Variants in ARHGAP15 observed in about 807,000 individuals in gnomAD.
The protein encoded by ARHGAP15 is Rho GTPase activating protein 15, also known as rho GTPase-activating protein 15.
A neutral mutation model predicts 63.7 loss-of-function variants in ARHGAP15; 51 were observed. That is an observed-to-expected ratio of 0.80 (90% CI 0.64 to 1.01). The LOEUF (loss-of-function observed/expected upper bound fraction) is 1.01. ARHGAP15 is among the 50% of genes least tolerant of loss of function. The pLI, the probability that ARHGAP15 is intolerant of heterozygous loss-of-function variation, is 0.00. For synonymous variants in ARHGAP15, 191 were observed against 193.8 expected (o/e 0.99, Z 0.12); for missense variants, 560 against 564.6 (o/e 0.99, Z 0.08).
At chr2:143,220,464 G>A (rs1270201082) in intron 4 of ARHGAP15, among the ~76,000 whole-genome samples, 1 of 152,140 alleles carries the variant, frequency 6.6e-6, no homozygotes, top group Non-Finnish European at 1.5e-5. Flanking sequence ...ACTCACCTTG[G>A]CCTCACAACG....
At chr2:143,316,807 G>C (rs907946636) in intron 6 of ARHGAP15, among the ~76,000 whole-genome samples, 2 of 151,694 alleles carry the variant, frequency 1.3e-5, no homozygotes, top group Non-Finnish European at 2.9e-5. Context: ...TTCCAGCCTA[G>C]ATTACAATAA....
chr2:143,159,758 C>T (rs996186425), intron 2 of ARHGAP15, among the ~76,000 whole-genome samples: 1 of 151,896 alleles, frequency 6.6e-6, no homozygotes, highest in Non-Finnish European at 1.5e-5. Flanking sequence ...AATATTTTGA[C>T]TTCCTCATAA....
At chr2:143,363,604 G>A (rs1686159736) in intron 6 of ARHGAP15, among the ~76,000 whole-genome samples, 1 of 151,874 alleles carries the variant, frequency 6.6e-6, no homozygotes, top group Non-Finnish European at 1.5e-5. Flanking sequence ...TTTCCTTAAG[G>A]GCTATTTCAA....
At chr2:143,606,026 A>C (rs980785745) in intron 11 of ARHGAP15, among the ~76,000 whole-genome samples, 2 of 116,450 alleles carry the variant, frequency 1.7e-5, no homozygotes, top group Non-Finnish European at 3.3e-5. Flanking sequence ...CCAGAGCAAG[A>C]CTCTGTCTCA....
intron 5 of ARHGAP15, among the ~76,000 whole-genome samples, chr2:143,249,782 C>A (rs1456200591): frequency 2.0e-5 from 3 of 152,032 alleles, no homozygotes; most frequent in African/African-American, 4.8e-5. Flanking sequence ...TAAAAAACAT[C>A]TTTTAAGTAA....
intron 9 of ARHGAP15, among the ~76,000 whole-genome samples, chr2:143,502,128 G>A (rs1423843731): frequency 6.6e-6 from 1 of 152,174 alleles, no homozygotes; most frequent in Non-Finnish European, 1.5e-5. Flanking sequence ...TTTGGGTTTG[G>A]CTGGGTGCAG....
intron 11 of ARHGAP15, among the ~76,000 whole-genome samples, chr2:143,581,227 ATAAAGGT>A (rs1046429215): frequency 1.7e-5 from 2 of 120,996 alleles, no homozygotes; most frequent in Non-Finnish European, 3.4e-5. Flanking sequence ...TCAATATGCC[ATAAAGGT>A]TAGAGAAGCT....
chr2:143,461,760 G>A (rs1327357042), intron 8 of ARHGAP15, among the ~76,000 whole-genome samples: 2 of 152,106 alleles, frequency 1.3e-5, no homozygotes, highest in Non-Finnish European at 2.9e-5. Flanking sequence ...TGCTAATCCT[G>A]TTTCTGCAGT....
chr2:143,399,972 A>C (rs2104993381), intron 6 of ARHGAP15, among the ~76,000 whole-genome samples: 2 of 152,212 alleles, frequency 1.3e-5, no homozygotes, highest in Middle Eastern at 6.8e-3. Context: ...ACTCCAGGCA[A>C]GGGTGATCTG....
chr2:143,329,998 A>C (rs1251315474), intron 6 of ARHGAP15, among the ~76,000 whole-genome samples: 1 of 146,690 alleles, frequency 6.8e-6, no homozygotes, highest in South Asian at 2.2e-4. Flanking sequence ...AGCCTGAAGC[A>C]GGAGAATCGC....
chr2:143,423,185 TAG>T (rs2105057773), intron 6 of ARHGAP15, among the ~76,000 whole-genome samples: 1 of 152,238 alleles, frequency 6.6e-6, no homozygotes, highest in East Asian at 1.9e-4. Flanking sequence ...GATACAACCT[TAG>T]AAGGCAGTGG....
intron 2 of ARHGAP15, among the ~76,000 whole-genome samples, chr2:143,185,112 T>A (rs888443707): frequency 3.9e-5 from 6 of 152,194 alleles, no homozygotes; most frequent in African/African-American, 1.4e-4. Flanking sequence ...AAAATGAGTT[T>A]AATATATGTA....
intron 12 of ARHGAP15, among the ~76,000 whole-genome samples, chr2:143,642,171 T>C (rs1228222479): frequency 6.6e-6 from 1 of 152,160 alleles, no homozygotes; most frequent in Non-Finnish European, 1.5e-5. Flanking sequence ...TACTTCAAAA[T>C]ATTAGCAGGG....
intron 8 of ARHGAP15, among the ~76,000 whole-genome samples, chr2:143,476,968 C>G (rs998485644): frequency 6.6e-5 from 10 of 152,246 alleles, no homozygotes; most frequent in Admixed American, 6.5e-4. Flanking sequence ...ATGATGTGAG[C>G]CAATCAATAG....
At chr2:143,134,976 G>A (rs1294842864) in intron 1 of ARHGAP15, among the ~76,000 whole-genome samples, 3 of 152,128 alleles carry the variant, frequency 2.0e-5, no homozygotes, top group African/African-American at 7.2e-5. Flanking sequence ...ATAGACAGTA[G>A]CTTAAAAGGG....
At chr2:143,350,664 A>T (rs1180387441) in intron 6 of ARHGAP15, among the ~76,000 whole-genome samples, 2 of 104,512 alleles carry the variant, frequency 1.9e-5, no homozygotes, top group Non-Finnish European at 4.4e-5. Context: ...TTAAAAATTA[A>T]AAAAAAAAAA....
chr2:143,219,718 T>C (rs1232932887), intron 4 of ARHGAP15, among the ~76,000 whole-genome samples: 1 of 152,216 alleles, frequency 6.6e-6, no homozygotes, highest in African/African-American at 2.4e-5. Flanking sequence ...TTCCACAGTT[T>C]TATCAGCACG....
rs74455628 is a variant in ARHGAP15, at chr2:143,519,188, T to C, written c.827-78T>C. The stretch of plus-strand genomic sequence containing the variant: ...GCAAGATGAAGATTTCAGCATGCAA[T>C]GGATATGGAAACGGAATCAAATTAA... On this transcript the variant is annotated intron_variant, in intron 9 of 13. Transcript: ENST00000295095. 1.2e-3 allele frequency: 1,266 copies of C among 1,097,106 alleles called. 3 individuals carry two copies. Among genetic ancestry groups the C allele is most frequent in the Middle Eastern group, 1.5e-3 (7 of 4,818 alleles). The allele number at this position is 1,097,106 out of a possible 1,614,324, so 68.0% of individuals were successfully genotyped here. A position where few individuals can be genotyped will look rare whatever the true frequency, so the allele number is the denominator to read the frequency against.
chr2:143,670,029 C>A (rs1393814043), intron 12 of ARHGAP15, among the ~76,000 whole-genome samples: 2 of 152,144 alleles, frequency 1.3e-5, no homozygotes, highest in Non-Finnish European at 2.9e-5. Flanking sequence ...CCCATTAGTG[C>A]TTAAGGTAAA....
Sources: gnomAD v4.1 joint callset for allele counts (sites outside exome capture counted in the v4.1 genomes callset) on GRCh38, gnomAD v4.1.1 for gene constraint, MANE v1.5 for transcripts, NCBI Gene and HGNC (gene_info 2026-07-23, HGNC 2026-07-21) for gene names.